Variants in SLC24A2 observed in about 807,000 individuals in gnomAD.
SLC24A2 encodes sodium/potassium/calcium exchanger 2.
Under a neutral mutation model 62.0 loss-of-function variants are expected in SLC24A2, and 36 were observed. The ratio of observed to expected loss-of-function variants is 0.58; its 90% CI spans 0.44 to 0.77. The LOEUF (loss-of-function observed/expected upper bound fraction) is 0.77, where lower values mean the gene tolerates loss of function less well. SLC24A2 is among the 30% of genes least tolerant of loss of function. The probability of loss-of-function intolerance (pLI) is 0.00; values close to 1 mark genes in which losing one functional copy is unlikely to be tolerated. For synonymous variants in SLC24A2, 358 were observed against 294.0 expected (o/e 1.22, Z -2.23); for missense variants, 846 against 817.9 (o/e 1.03, Z -0.42).
intron 3 of SLC24A2, among the ~76,000 whole-genome samples, chr9:19,620,072 A>G (rs1186234647): frequency 1.3e-5 from 2 of 152,194 alleles, no homozygotes; most frequent in African/African-American, 2.4e-5. Flanking sequence ...CACACTGACA[A>G]GAAGTGGAGG....
chr9:19,703,103 AAGAG>A (rs1352722698), intron 2 of SLC24A2, among the ~76,000 whole-genome samples: 6 of 152,092 alleles, frequency 3.9e-5, no homozygotes, highest in South Asian at 2.1e-4. Flanking sequence ...ACTAGAGAGA[AAGAG>A]AGAGAGAGAT....
chr9:20,184,610 TGGTGA>T, the SLC24A2 span, among the ~76,000 whole-genome samples: 1 of 152,078 alleles, frequency 6.6e-6, no homozygotes, highest in Non-Finnish European at 1.5e-5. Flanking sequence ...TAACAAGTGC[TGGTGA>T]GGTTGTGAAG....
At chr9:19,604,648 A>T (rs1311622463) in intron 4 of SLC24A2, among the ~76,000 whole-genome samples, 2 of 152,160 alleles carry the variant, frequency 1.3e-5, no homozygotes, top group Admixed American at 6.5e-5. Context: ...ACAAACAAAC[A>T]AAAAAACTCC....
At chr9:20,206,884 G>GGC in the SLC24A2 span, among the ~76,000 whole-genome samples, 164 of 149,306 alleles carry the variant, frequency 1.1e-3, no homozygotes, top group African/African-American at 4.0e-3. Context: ...ACTAAGTTGG[G>GGC]GGGGGCGGTT....
At chr9:19,683,904 T>C (rs1319796115) in intron 2 of SLC24A2, among the ~76,000 whole-genome samples, 1 of 151,944 alleles carries the variant, frequency 6.6e-6, no homozygotes, top group African/African-American at 2.4e-5. Context: ...TTCCTGGCAG[T>C]TCCTCCCTGT....
the SLC24A2 span, among the ~76,000 whole-genome samples, chr9:19,940,181 C>T: frequency 6.6e-6 from 1 of 152,188 alleles, no homozygotes; most frequent in Non-Finnish European, 1.5e-5. Context: ...TTCTCTGGGA[C>T]ACTCCCAGCT....
chr9:19,604,647 C>A (rs1316848717), intron 4 of SLC24A2, among the ~76,000 whole-genome samples: 1 of 151,580 alleles, frequency 6.6e-6, no homozygotes, highest in Non-Finnish European at 1.5e-5. Flanking sequence ...AACAAACAAA[C>A]AAAAAAACTC....
chr9:20,235,141 G>C, the SLC24A2 span, among the ~76,000 whole-genome samples: 3 of 152,210 alleles, frequency 2.0e-5, no homozygotes, highest in African/African-American at 7.2e-5. Context: ...CCCCTACTGG[G>C]GGGTGCCTCC....
chr9:19,834,960 A>G, the SLC24A2 span, among the ~76,000 whole-genome samples: 1 of 152,218 alleles, frequency 6.6e-6, no homozygotes, highest in African/African-American at 2.4e-5. Context: ...CCAGAATTTC[A>G]TATCCAGCCA....
chr9:19,716,326 T>A (rs1031718072), intron 2 of SLC24A2, among the ~76,000 whole-genome samples: 11 of 152,238 alleles, frequency 7.2e-5, no homozygotes, highest in African/African-American at 2.7e-4. Flanking sequence ...CCTGATTACA[T>A]GACAATGATG....
At chr9:19,585,424 A>G (rs1271458739) in intron 5 of SLC24A2, among the ~76,000 whole-genome samples, 2 of 152,184 alleles carry the variant, frequency 1.3e-5, no homozygotes, top group African/African-American at 4.8e-5. Flanking sequence ...AAGATGTTTC[A>G]ATATCATTTT....
the SLC24A2 span, among the ~76,000 whole-genome samples, chr9:19,813,878 C>G: frequency 2.0e-5 from 3 of 152,038 alleles, no homozygotes; most frequent in Non-Finnish European, 4.4e-5. Context: ...GAAATGGGCC[C>G]TCATCAGACA....
rs988761890 is a variant in SLC24A2, at chr9:19,512,937, T to C, written c.*3216A>G. On this transcript the variant is annotated 3_prime_UTR_variant, in exon 11 of 11. Transcript: ENST00000341998. Reference sequence around the variant, plus strand: ...AATTGATATTCTTAGGGTGGGAAAATATGGGTACATATGTGTATATTTGTA... The same window carrying C: ...AATTGATATTCTTAGGGTGGGAAAACATGGGTACATATGTGTATATTTGTA... 4.6e-5 allele frequency: 7 copies of C among 151,760 alleles called. No homozygotes were observed. Among genetic ancestry groups the C allele is most frequent in the African/African-American group, 1.2e-4 (5 of 41,298 alleles). The allele number at this position is 151,760 out of a possible 1,614,324, so 9.4% of individuals were successfully genotyped here. A position where few individuals can be genotyped will look rare whatever the true frequency, so the allele number is the denominator to read the frequency against.
chr9:20,169,079 T>A, the SLC24A2 span, among the ~76,000 whole-genome samples: 1 of 151,974 alleles, frequency 6.6e-6, no homozygotes, highest in Non-Finnish European at 1.5e-5. Context: ...AAATATAGTA[T>A]AAGTGAAATA....
the SLC24A2 span, among the ~76,000 whole-genome samples, chr9:20,254,805 G>C: frequency 6.6e-6 from 1 of 152,184 alleles, no homozygotes; most frequent in South Asian, 2.1e-4. Context: ...TAAAGAAAAA[G>C]AGGTTTAACT....
At position 19,526,769 on chromosome 9, in the gene SLC24A2, GCA is replaced by G. The variant is rs553898101; in HGVS notation, c.1569+1278_1569+1279del. Among the ~76,000 whole-genome samples, 3 of 152,174 alleles carry G rather than the reference GCA, an allele frequency of 2.0e-5. No homozygotes were observed. The East Asian group carries it at 5.8e-4, about 29-fold the overall frequency. ...GTGCTTTATCAGATATATATGATTT[GCA>G]AATATTTTCTTCCAGCCTGTGGTTT... On this transcript the variant is annotated intron_variant, in intron 9 of 10. Coordinates refer to ENST00000341998, the MANE Select transcript of SLC24A2 (RefSeq NM_020344.4).
At chr9:20,183,352 T>C in the SLC24A2 span, among the ~76,000 whole-genome samples, 1 of 152,202 alleles carries the variant, frequency 6.6e-6, no homozygotes, top group Non-Finnish European at 1.5e-5. Flanking sequence ...GAAGTTGTGA[T>C]GAGTGCAGAG....
chr9:20,188,005 C>T, the SLC24A2 span, among the ~76,000 whole-genome samples: 2 of 152,200 alleles, frequency 1.3e-5, no homozygotes, highest in Non-Finnish European at 2.9e-5. Context: ...GAAGCCCCAA[C>T]AATAGCACAG....
intron 2 of SLC24A2, among the ~76,000 whole-genome samples, chr9:19,636,513 C>T (rs534806632): frequency 2.1e-4 from 32 of 149,152 alleles, no homozygotes; most frequent in Non-Finnish European, 4.3e-4. Context: ...CTCACTACAA[C>T]CTCTGCCTCC....
Sources: allele counts gnomAD v4.1 joint callset (sites outside exome capture counted in the v4.1 genomes callset), GRCh38; gene constraint gnomAD v4.1.1; transcripts MANE v1.5; gene names NCBI Gene and HGNC (gene_info 2026-07-23, HGNC 2026-07-21).